The following VOPP1 variants were observed in gnomAD, a reference collection of about 807,000 sequenced individuals.
The protein encoded by VOPP1 is WW domain binding protein VOPP1.
VOPP1 carries 8 observed loss-of-function variants against 23.5 expected under a neutral mutation model. That is an observed-to-expected ratio of 0.34 (90% CI 0.20 to 0.61). The LOEUF (loss-of-function observed/expected upper bound fraction) is 0.61, where lower values mean the gene tolerates loss of function less well. Among genes scored for constraint, VOPP1 ranks in the 20% least tolerant of loss-of-function variants. The probability of loss-of-function intolerance (pLI) is 0.78; values close to 1 mark genes in which losing one functional copy is unlikely to be tolerated. For missense variants in VOPP1, 174 were observed against 238.1 expected (o/e 0.73, Z 1.77); for synonymous variants, 83 against 97.3 (o/e 0.85, Z 0.86).
chr7:55,521,498 T>G (rs1795852429), intron 1 of VOPP1: 6 of 1,027,560 alleles, frequency 5.8e-6, no homozygotes, highest in African/African-American at 1.7e-5. Flanking sequence ...CCCCAATTTC[T>G]GTTTTAGAGA....
At chr7:55,462,989 A>C (rs192214548) in intron 4 of VOPP1, among the ~76,000 whole-genome samples, 1 of 152,106 alleles carries the variant, frequency 6.6e-6, no homozygotes, top group South Asian at 2.1e-4. Context: ...TATGATATCT[A>C]TCTCTGTTGA....
intron 2 of VOPP1, among the ~76,000 whole-genome samples, chr7:55,499,820 G>A (rs1245476083): frequency 2.0e-5 from 3 of 152,126 alleles, no homozygotes; most frequent in African/African-American, 4.8e-5. Context: ...CAGGGTGTGA[G>A]GGGGAGTGAG....
At chr7:55,534,552 A>G (rs1206362754) in intron 1 of VOPP1, among the ~76,000 whole-genome samples, 2 of 152,064 alleles carry the variant, frequency 1.3e-5, no homozygotes, top group Non-Finnish European at 2.9e-5. Context: ...TCGCTCTGCA[A>G]TTTCCCCAAT....
rs1794058976 is a variant in VOPP1, at chr7:55,497,603, T to C, written c.191+10A>G. 2.5e-6 allele frequency: 4 copies of C among 1,600,296 alleles called. No homozygotes were observed. In the Admixed American group the frequency reaches 5.1e-5, roughly 20 times the overall value. On this transcript the variant is annotated intron_variant, in intron 3 of 4. Coordinates refer to ENST00000285279, the MANE Select transcript of VOPP1 (RefSeq NM_030796.5). ...CTCGGGGTAGGGAACAAGGAGGAGTTGTGACCTACCAGAAGTACCACAGCC... is the reference window on the plus strand; with the variant it reads ...CTCGGGGTAGGGAACAAGGAGGAGTCGTGACCTACCAGAAGTACCACAGCC...
intron 2 of VOPP1, among the ~76,000 whole-genome samples, chr7:55,515,368 C>T (rs1795336384): frequency 6.6e-6 from 1 of 152,214 alleles, no homozygotes; most frequent in South Asian, 2.1e-4. Context: ...AAGAGCATGA[C>T]TGGCAGCGAG....
At chr7:55,561,501 G>A (rs996909985) in intron 1 of VOPP1, among the ~76,000 whole-genome samples, 4 of 152,004 alleles carry the variant, frequency 2.6e-5, no homozygotes, top group African/African-American at 9.7e-5. Flanking sequence ...ACAAGGTTAG[G>A]AGTTCAAGAC....
intron 1 of VOPP1, among the ~76,000 whole-genome samples, chr7:55,563,804 G>T (rs1011678477): frequency 2.6e-5 from 4 of 152,138 alleles, no homozygotes; most frequent in African/African-American, 9.7e-5. Flanking sequence ...TAGGATTTTT[G>T]ATTTTCAGAT....
intron 2 of VOPP1, among the ~76,000 whole-genome samples, chr7:55,501,108 G>T (rs1794334327): frequency 6.6e-6 from 1 of 152,242 alleles, no homozygotes; most frequent in Admixed American, 6.5e-5. Context: ...CTTTAATGGT[G>T]CTTGCATGGT....
intron 4 of VOPP1, among the ~76,000 whole-genome samples, chr7:55,442,711 T>C (rs111620938): frequency 2.9e-4 from 43 of 148,294 alleles, no homozygotes; most frequent in African/African-American, 9.9e-4. Flanking sequence ...TTATAAGAAA[T>C]ACAGTGGCAG....
At chr7:55,559,843 C>A (rs1247634617) in intron 1 of VOPP1, among the ~76,000 whole-genome samples, 1 of 152,166 alleles carries the variant, frequency 6.6e-6, no homozygotes, top group Non-Finnish European at 1.5e-5. Context: ...AACCTCAGAA[C>A]GTGGCAATGG....
chr7:55,485,677 C>G (rs577244627), intron 4 of VOPP1, among the ~76,000 whole-genome samples: 6 of 152,342 alleles, frequency 3.9e-5, no homozygotes, highest in African/African-American at 1.4e-4. Flanking sequence ...AGGGCCCACA[C>G]AGGGCGCCCG....
intron 1 of VOPP1, among the ~76,000 whole-genome samples, chr7:55,562,776 GGTGGAGGCCTA>G (rs1798031270): frequency 6.6e-6 from 1 of 152,196 alleles, no homozygotes; most frequent in African/African-American, 2.4e-5. Context: ...CAGAGGGCAA[GGTGGAGGCCTA>G]GTGAGAAGAG....
intron 1 of VOPP1, among the ~76,000 whole-genome samples, chr7:55,534,971 G>A (rs1286979849): frequency 6.6e-6 from 1 of 152,244 alleles, no homozygotes; most frequent in African/African-American, 2.4e-5. Context: ...GGGTGAGCTT[G>A]CTGATGGGAG....
intron 1 of VOPP1, chr7:55,552,562 A>C: frequency 6.5e-7 from 1 of 1,529,750 alleles, no homozygotes; most frequent in Non-Finnish European, 8.8e-7. Context: ...CAGGGTGACA[A>C]ATGAAGTCTA....
chr7:55,557,769 C>T (rs533457232), intron 1 of VOPP1, among the ~76,000 whole-genome samples: 1 of 152,350 alleles, frequency 6.6e-6, no homozygotes, highest in Admixed American at 6.5e-5. Flanking sequence ...CACACAACCA[C>T]AAGGGCAGGA....
intron 4 of VOPP1, among the ~76,000 whole-genome samples, chr7:55,445,230 G>T (rs928822387): frequency 1.1e-4 from 15 of 132,970 alleles, no homozygotes; most frequent in African/African-American, 2.6e-4. Flanking sequence ...CACACACACA[G>T]ACACACACAC....
At chr7:55,550,598 C>T (rs1797563420) in intron 1 of VOPP1, among the ~76,000 whole-genome samples, 1 of 152,102 alleles carries the variant, frequency 6.6e-6, no homozygotes, top group Non-Finnish European at 1.5e-5. Flanking sequence ...AGCATTCTTA[C>T]AATATATAAA....
rs1030902356 is a variant in VOPP1 at position 55,552,280 on chromosome 7, A to G, written c.54+19991T>C. ...AAATAGCAATGACAGAAAGAAGGTA[A>G]TTTAGCTGATTTTAAAACCTCCGTA... On this transcript the variant is annotated intron_variant, in intron 1 of 4. Coordinates refer to ENST00000285279, the MANE Select transcript of VOPP1 (RefSeq NM_030796.5). 2.0e-5 allele frequency among the ~76,000 whole-genome samples: 3 copies of G among 152,324 alleles called. No homozygotes were observed. The East Asian group carries it at 5.8e-4, about 29-fold the overall frequency.
chr7:55,543,744 T>TAAA (rs1797242674), intron 1 of VOPP1, among the ~76,000 whole-genome samples: 1 of 152,228 alleles, frequency 6.6e-6, no homozygotes, highest in South Asian at 2.1e-4. Flanking sequence ...TTTGCCCATT[T>TAAA]TTAAATCAGA....
Sources: gnomAD v4.1 joint callset for allele counts (sites outside exome capture counted in the v4.1 genomes callset) on GRCh38, gnomAD v4.1.1 for gene constraint, MANE v1.5 for transcripts, NCBI Gene and HGNC (gene_info 2026-07-23, HGNC 2026-07-21) for gene names.